The following NXPE2 variants were observed in gnomAD, a reference collection of about 807,000 sequenced individuals.
NXPE2 encodes NXPE family member 2.
In NXPE2, 34 loss-of-function variants were observed where a neutral mutation model predicts 34.4. The ratio of observed to expected loss-of-function variants is 0.99; its 90% CI spans 0.75 to 1.31. The LOEUF (loss-of-function observed/expected upper bound fraction) is 1.31. Among genes scored for constraint, NXPE2 ranks in the 40% most tolerant of loss-of-function variants. The probability of loss-of-function intolerance (pLI) is 0.00; values close to 1 mark genes in which losing one functional copy is unlikely to be tolerated. For missense variants in NXPE2, 649 were observed against 672.5 expected, an observed-to-expected ratio of 0.97 and a Z score of 0.39; for synonymous variants, 235 against 231.3, an observed-to-expected ratio of 1.02 and a Z score of -0.15.
chr11:114,577,027 A>G, the NXPE2 span, among the ~76,000 whole-genome samples: 1 of 24,470 alleles, frequency 4.1e-5, no homozygotes, highest in African/African-American at 2.9e-4. Flanking sequence ...ATATATATAT[A>G]CATATATATA....
chr11:114,616,834 A>G, the NXPE2 span, among the ~76,000 whole-genome samples: 196 of 151,916 alleles, frequency 1.3e-3, 8 homozygotes, highest in African/African-American at 4.5e-3. Context: ...AACCACTGTT[A>G]CCCAGTAGAT....
the NXPE2 span, among the ~76,000 whole-genome samples, chr11:114,653,130 A>C: frequency 6.6e-6 from 1 of 152,234 alleles, no homozygotes; most frequent in Non-Finnish European, 1.5e-5. Flanking sequence ...CATAAATAAC[A>C]ATACTGACTT....
chr11:114,560,214 C>T, the NXPE2 span, among the ~76,000 whole-genome samples: 1 of 151,358 alleles, frequency 6.6e-6, no homozygotes, highest in Non-Finnish European at 1.5e-5. Context: ...AACAAGAGAA[C>T]AAATTGTCAG....
chr11:114,552,610 C>T, the NXPE2 span, among the ~76,000 whole-genome samples: 2 of 151,958 alleles, frequency 1.3e-5, no homozygotes, highest in African/African-American at 4.8e-5. Context: ...CAAGGGGCTA[C>T]TCTGACCCCT....
At chr11:114,748,064 G>A in the NXPE2 span, among the ~76,000 whole-genome samples, 1 of 152,134 alleles carries the variant, frequency 6.6e-6, no homozygotes, top group East Asian at 1.9e-4. Flanking sequence ...TCTGGTGTTT[G>A]TCTTTCTGTG....
At chr11:114,666,003 G>C in the NXPE2 span, among the ~76,000 whole-genome samples, 1 of 152,040 alleles carries the variant, frequency 6.6e-6, no homozygotes, top group African/African-American at 2.4e-5. Flanking sequence ...ACAGGTTTCC[G>C]ATTCCAGTGC....
chr11:114,703,687 TA>T (rs1471865692), intron 3 of NXPE2, among the ~76,000 whole-genome samples: 17 of 17,856 alleles, frequency 9.5e-4, no homozygotes, highest in African/African-American at 5.5e-3. Context: ...GATAGATAGA[TA>T]GATAGATAGA....
the NXPE2 span, among the ~76,000 whole-genome samples, chr11:114,520,139 C>A: frequency 1.3e-5 from 2 of 152,124 alleles, no homozygotes; most frequent in Admixed American, 6.5e-5. Context: ...TACCTAAAAT[C>A]TAGTCTCTCA....
the NXPE2 span, among the ~76,000 whole-genome samples, chr11:114,751,390 A>G: frequency 6.6e-6 from 1 of 152,194 alleles, no homozygotes; most frequent in African/African-American, 2.4e-5. Flanking sequence ...TTCAACAGAC[A>G]TTTAGTGAGT....
At chr11:114,571,068 A>G in the NXPE2 span, 4 of 1,613,998 alleles carry the variant, frequency 2.5e-6, no homozygotes, top group East Asian at 2.2e-5. Context: ...ATCCTGGAAA[A>G]TGTCCTTTAT....
intron 2 of NXPE2, among the ~76,000 whole-genome samples, chr11:114,696,344 A>C (rs1464614074): frequency 3.8e-4 from 55 of 144,310 alleles, no homozygotes; most frequent in Middle Eastern, 3.6e-3. Context: ...AAAAACCAAA[A>C]AAAAAAAAAA....
At chr11:114,529,306 T>A in the NXPE2 span, 2 of 153,040 alleles carry the variant, frequency 1.3e-5, no homozygotes, top group Non-Finnish European at 2.9e-5. Flanking sequence ...CTGGAACTGA[T>A]AGAAGTCTTA....
the NXPE2 span, among the ~76,000 whole-genome samples, chr11:114,577,040 T>A: frequency 3.2e-5 from 1 of 31,412 alleles, no homozygotes. Flanking sequence ...TATATATATA[T>A]AAAGTTATAT....
the NXPE2 span, among the ~76,000 whole-genome samples, chr11:114,771,296 A>G: frequency 6.6e-6 from 1 of 150,932 alleles, no homozygotes; most frequent in Non-Finnish European, 1.5e-5. Context: ...ACTCTGACAG[A>G]TGATCTTTGA....
At chr11:114,561,213 A>C in the NXPE2 span, among the ~76,000 whole-genome samples, 1 of 152,222 alleles carries the variant, frequency 6.6e-6, no homozygotes, top group African/African-American at 2.4e-5. Context: ...ATACATGTAC[A>C]ACATTTAAAA....
At chr11:114,503,865 A>G in the NXPE2 span, among the ~76,000 whole-genome samples, 1 of 152,364 alleles carries the variant, frequency 6.6e-6, no homozygotes, top group Non-Finnish European at 1.5e-5. Context: ...GTAGTCTTGC[A>G]CATCAGACAG....
chr11:114,532,487 A>T, the NXPE2 span, among the ~76,000 whole-genome samples: 3 of 152,214 alleles, frequency 2.0e-5, no homozygotes, highest in Non-Finnish European at 4.4e-5. Flanking sequence ...AATCATCATG[A>T]TGATAAACCT....
chr11:114,533,490 C>T, the NXPE2 span, among the ~76,000 whole-genome samples: 2,950 of 152,276 alleles, frequency 0.019, 93 homozygotes, highest in African/African-American at 0.066. Context: ...GGCGAGGCAT[C>T]GCCTCACCCG....
At chr11:114,564,990 C>T in the NXPE2 span, among the ~76,000 whole-genome samples, 1 of 152,088 alleles carries the variant, frequency 6.6e-6, no homozygotes, top group African/African-American at 2.4e-5. Flanking sequence ...CCAAGCATGC[C>T]AAGCCTTTTC....
Sources: gnomAD v4.1 joint callset for allele counts (sites outside exome capture counted in the v4.1 genomes callset) on GRCh38, gnomAD v4.1.1 for gene constraint, MANE v1.5 for transcripts, NCBI Gene and HGNC (gene_info 2026-07-23, HGNC 2026-07-21) for gene names.